Variants in TESC observed in about 807,000 individuals in gnomAD.
TESC encodes calcineurin B homologous protein 3.
In TESC, 19 loss-of-function variants were observed where a neutral mutation model predicts 31.0. The ratio of observed to expected loss-of-function variants is 0.61; its 90% CI spans 0.43 to 0.90. TESC has a LOEUF of 0.90. Ranked by LOEUF, TESC falls within the 40% of genes least tolerant of loss-of-function variation. The pLI, the probability that TESC is intolerant of heterozygous loss-of-function variation, is 0.00. For missense variants in TESC, 248 were observed against 303.8 expected, an observed-to-expected ratio of 0.82 and a Z score of 1.36; for synonymous variants, 109 against 114.8, an observed-to-expected ratio of 0.95 and a Z score of 0.32.
intron 1 of TESC, among the ~76,000 whole-genome samples, chr12:117,091,258 CA>C (rs1204970289): frequency 1.3e-5 from 2 of 152,216 alleles, no homozygotes; most frequent in Non-Finnish European, 2.9e-5. Flanking sequence ...GACAAAAGAA[CA>C]AAAGAGGCCC....
chr12:117,097,031 C>T (rs73408540), intron 1 of TESC, among the ~76,000 whole-genome samples: 5,874 of 152,268 alleles, frequency 0.039, 378 homozygotes, highest in African/African-American at 0.13. Flanking sequence ...ACCTGTCGGG[C>T]GTTTTGTTTA....
chr12:117,062,245 G>A (rs1283006650), intron 2 of TESC, among the ~76,000 whole-genome samples: 3 of 150,788 alleles, frequency 2.0e-5, no homozygotes, highest in East Asian at 1.9e-4. Context: ...TTTTTGAGAC[G>A]GAGTCTCACT....
Position 117,065,230 on chromosome 12 carries a change from A to G in TESC, c.129-8344T>C, listed in dbSNP as rs893973640. Among the ~76,000 whole-genome samples, 7 of 152,184 alleles carry G rather than the reference A, an allele frequency of 4.6e-5. No homozygotes were observed. In the South Asian group the frequency reaches 1.2e-3, roughly 27 times the overall value. On this transcript the variant is annotated intron_variant, in intron 2 of 7. Coordinates refer to ENST00000335209, the MANE Select transcript of TESC (RefSeq NM_017899.4). ...CAGTGAAGACAGACACAGGGGAACCAGGGAGGAGGCTGTTGGGGTAGCCCA... is the reference window on the plus strand; with the variant it reads ...CAGTGAAGACAGACACAGGGGAACCGGGGAGGAGGCTGTTGGGGTAGCCCA...
intron 2 of TESC, among the ~76,000 whole-genome samples, chr12:117,062,969 G>A (rs1215835790): frequency 1.3e-5 from 2 of 152,180 alleles, no homozygotes; most frequent in Non-Finnish European, 1.5e-5. Flanking sequence ...GGATTGCCCA[G>A]GAGGGCTCCA....
intron 1 of TESC, among the ~76,000 whole-genome samples, chr12:117,096,037 T>A (rs951284141): frequency 6.6e-6 from 1 of 152,204 alleles, no homozygotes; most frequent in African/African-American, 2.4e-5. Context: ...TAACACTGCC[T>A]TCCTGGGGGA....
In TESC at chr12:117,072,480, G is replaced by A. The variant is rs532279603; in HGVS notation, c.128+2791C>T. On this transcript the variant is annotated intron_variant, in intron 2 of 7. Transcript: ENST00000335209. ...AGAGAAAGGAAGTAACCAGCCCGAA[G>A]CCACAAAGCCAATGGCATGAAGGAT... Among the ~76,000 whole-genome samples the A allele has an allele frequency of 3.3e-5, 5 of 152,300 alleles. No individual in the cohort carries two copies. The South Asian group carries it at 8.3e-4, about 25-fold the overall frequency.
intron 2 of TESC, among the ~76,000 whole-genome samples, chr12:117,063,632 G>T (rs1207945586): frequency 6.6e-6 from 1 of 152,168 alleles, no homozygotes; most frequent in Non-Finnish European, 1.5e-5. Context: ...TCTCAGGCCG[G>T]AACTTCCACC....
intron 1 of TESC, among the ~76,000 whole-genome samples, chr12:117,076,293 G>A (rs1000870521): frequency 6.6e-6 from 1 of 152,060 alleles, no homozygotes; most frequent in African/African-American, 2.4e-5. Flanking sequence ...ACTGAGAAAT[G>A]TATGGAGAAT....
chr12:117,085,565 G>C (rs1955209856), intron 1 of TESC, among the ~76,000 whole-genome samples: 2 of 152,166 alleles, frequency 1.3e-5, no homozygotes, highest in African/African-American at 4.8e-5. Flanking sequence ...GCCAGCCCCA[G>C]GACACCAAGG....
intron 2 of TESC, among the ~76,000 whole-genome samples, chr12:117,073,007 A>C (rs561044909): frequency 2.0e-5 from 3 of 152,258 alleles, no homozygotes; most frequent in African/African-American, 7.2e-5. Flanking sequence ...TTAACTTCTG[A>C]AGGAACAAGC....
rs540429546 is a variant in TESC, at chr12:117,047,121, C to T, written c.350-283G>A. 7.2e-5 allele frequency among the ~76,000 whole-genome samples: 11 copies of T among 152,344 alleles called. No homozygotes were observed. The East Asian group carries it at 1.2e-3, about 16-fold the overall frequency. On this transcript the variant is annotated intron_variant, in intron 4 of 7. Coordinates refer to ENST00000335209, the MANE Select transcript of TESC (RefSeq NM_017899.4). ...GGAGGGCTGGGAGCTAGCGCTGTGG[C>T]GTTAGGGCCTGGCAACTGCCCCGTG...
intron 2 of TESC, among the ~76,000 whole-genome samples, chr12:117,060,130 C>T (rs185206212): frequency 2.0e-5 from 3 of 151,840 alleles, no homozygotes; most frequent in Admixed American, 6.6e-5. Flanking sequence ...TTTCAATGGG[C>T]GAATTTTATA....
At chr12:117,044,971 G>A (rs894624483) in intron 6 of TESC, among the ~76,000 whole-genome samples, 1 of 152,200 alleles carries the variant, frequency 6.6e-6, no homozygotes, top group African/African-American at 2.4e-5. Flanking sequence ...CCATTAAAGT[G>A]GGGACCAGGG....
intron 4 of TESC, among the ~76,000 whole-genome samples, chr12:117,047,982 T>G (rs4766827): frequency 0.95 from 144,309 of 152,186 alleles, 68,501 homozygotes; most frequent in East Asian, 1. Flanking sequence ...GGCTTCAAGT[T>G]ATCCTCCCCA....
In TESC at chr12:117,048,047, AT is replaced by A. The variant is rs544724188; in HGVS notation, c.349+971del. Among the ~76,000 whole-genome samples the A allele has an allele frequency of 2.1e-3, 319 of 152,266 alleles. 3 individuals are homozygous for A. Among genetic ancestry groups the A allele is most frequent in the African/African-American group, 7.3e-3 (304 of 41,562 alleles). On this transcript the variant is annotated intron_variant, in intron 4 of 7. Coordinates refer to ENST00000335209, the MANE Select transcript of TESC (RefSeq NM_017899.4). ...GAGTGCACCACTGAGCCCAGCTGGC[AT>A]TTACTGAACACTGACCAGATGCCCA...
intron 3 of TESC, among the ~76,000 whole-genome samples, chr12:117,053,705 C>T (rs1379120848): frequency 2.0e-5 from 3 of 152,158 alleles, no homozygotes; most frequent in Admixed American, 2.0e-4. Context: ...ACACACACCC[C>T]CTAAACGTGC....
chr12:117,059,203 C>T (rs577465561), intron 2 of TESC, among the ~76,000 whole-genome samples: 1 of 152,202 alleles, frequency 6.6e-6, no homozygotes, highest in Non-Finnish European at 1.5e-5. Flanking sequence ...GACTCTACGC[C>T]GTTTGGGTTG....
At chr12:117,045,006 C>T (rs1170158116) in intron 6 of TESC, among the ~76,000 whole-genome samples, 2 of 152,212 alleles carry the variant, frequency 1.3e-5, no homozygotes, top group African/African-American at 2.4e-5. Context: ...GCGGATGGCA[C>T]GGTCAGAACG....
chr12:117,039,656 G>T (rs1954453142), intron 7 of TESC, among the ~76,000 whole-genome samples: 1 of 152,204 alleles, frequency 6.6e-6, no homozygotes, highest in African/African-American at 2.4e-5. Flanking sequence ...ACTGTTAGGG[G>T]CTGTGCGGTC....
Sources: allele counts gnomAD v4.1 joint callset (sites outside exome capture counted in the v4.1 genomes callset), GRCh38; gene constraint gnomAD v4.1.1; transcripts MANE v1.5; gene names NCBI Gene and HGNC (gene_info 2026-07-23, HGNC 2026-07-21).